Variants in RIMS1 observed in about 807,000 individuals in gnomAD.
RIMS1 encodes the protein regulating synaptic membrane exocytosis 1.
Under a neutral mutation model 214.1 loss-of-function variants are expected in RIMS1, and 83 were observed. The ratio of observed to expected loss-of-function variants is 0.39; its 90% CI spans 0.32 to 0.47. The LOEUF (loss-of-function observed/expected upper bound fraction) is 0.47, where lower values mean the gene tolerates loss of function less well. Among genes scored for constraint, RIMS1 ranks in the 20% least tolerant of loss-of-function variants. The pLI is 0.99. For synonymous variants in RIMS1, 793 were observed against 786.8 expected, an observed-to-expected ratio of 1.01 and a Z score of -0.13; for missense variants, 2,050 against 2,161.8, an observed-to-expected ratio of 0.95 and a Z score of 1.03.
At chr6:72,052,661 C>T (rs777996517) in intron 2 of RIMS1, among the ~76,000 whole-genome samples, 46 of 152,060 alleles carry the variant, frequency 3.0e-4, no homozygotes, top group Middle Eastern at 3.2e-3. Context: ...ATCTCAATTT[C>T]CTTATGTGTA....
chr6:72,042,821 G>A (rs1028941604), intron 2 of RIMS1, among the ~76,000 whole-genome samples: 1 of 151,712 alleles, frequency 6.6e-6, no homozygotes, highest in Non-Finnish European at 1.5e-5. Flanking sequence ...ACTTAAAAAT[G>A]GGTCCCCAGA....
intron 24 of RIMS1, among the ~76,000 whole-genome samples, chr6:72,286,478 A>G (rs188387995): frequency 6.6e-6 from 1 of 152,334 alleles, no homozygotes; most frequent in East Asian, 1.9e-4. Context: ...AATCATATTC[A>G]TAGTACTCTT....
chr6:72,007,069 C>A (rs1763226952), intron 2 of RIMS1, among the ~76,000 whole-genome samples: 1 of 152,168 alleles, frequency 6.6e-6, no homozygotes, highest in Admixed American at 6.5e-5. Flanking sequence ...CTGGGAGGCC[C>A]CCCCAAGTAG....
intron 10 of RIMS1, 32 bp from the exon 11 acceptor site, chr6:72,245,783 A>T: frequency 6.3e-7 from 1 of 1,579,856 alleles, no homozygotes; most frequent in South Asian, 1.1e-5. Context: ...CATTTAACTA[A>T]TGGGATTTTC....
At chr6:72,218,442 C>G (rs2154028321) in intron 6 of RIMS1, among the ~76,000 whole-genome samples, 1 of 152,266 alleles carries the variant, frequency 6.6e-6, no homozygotes, top group African/African-American at 2.4e-5. Context: ...GCTCAAAATC[C>G]AAAGGGTCAG....
At position 72,182,654 on chromosome 6, in the gene RIMS1, C is replaced by A; in HGVS notation, c.1183C>A (p.Leu395Ile). 1 of 1,477,788 alleles carries A rather than the reference C, an allele frequency of 6.8e-7. No individual in the cohort carries two copies. Among genetic ancestry groups the A allele is most frequent in the Non-Finnish European group, 9.0e-7 (1 of 1,117,136 alleles). 91.5% of individuals were successfully genotyped at this position (1,477,788 alleles called of 1,614,324 possible). A position where few individuals can be genotyped will look rare whatever the true frequency, so the allele number is the denominator to read the frequency against. ...RHERRHSDVA[L>I]PRTEAGAALP... is the part of the protein sequence containing the mutation. ...CGAGCGGCGCCACAGCGACGTGGCG[C>A]TCCCGCGCACCGAGGCGGGCGCGGC... Residue 395 changes from leucine (L) to isoleucine (I), a missense_variant, in exon 6 of 34, where the codon CTC (leucine) becomes ATC (isoleucine). Physicochemically the swap from Leu to Ile is conservative, Grantham distance 5. Around this residue, in one of 6 missense-constraint regions of RIMS1, gnomAD observed 882 missense variants for 828.9 expected, o/e 1.06. Coordinates refer to ENST00000521978, the MANE Select transcript of RIMS1 (RefSeq NM_014989.7).
intron 29 of RIMS1, among the ~76,000 whole-genome samples, chr6:72,335,310 A>C (rs1356580357): frequency 6.6e-6 from 1 of 151,960 alleles, no homozygotes; most frequent in African/African-American, 2.4e-5. Context: ...ACTCCCACCT[A>C]TAAGTGAGAA....
chr6:72,097,515 A>G (rs2032144421), intron 3 of RIMS1, among the ~76,000 whole-genome samples: 1 of 152,228 alleles, frequency 6.6e-6, no homozygotes, highest in South Asian at 2.1e-4. Flanking sequence ...AAAAAAGTTA[A>G]CTACTTTTGA....
At chr6:72,313,320 C>T (rs1338445851) in intron 27 of RIMS1, among the ~76,000 whole-genome samples, 186 bp from the exon 28 acceptor site, 1 of 152,042 alleles carries the variant, frequency 6.6e-6, no homozygotes, top group Non-Finnish European at 1.5e-5. Context: ...CATCTCTTAC[C>T]ACTCAAAGGA....
chr6:72,133,390 T>C (rs901876417), intron 4 of RIMS1, among the ~76,000 whole-genome samples: 3 of 152,180 alleles, frequency 2.0e-5, no homozygotes, highest in Non-Finnish European at 4.4e-5. Context: ...TTAGCAGATA[T>C]GCTGGGTGAC....
In RIMS1 at chr6:72,290,880, C is replaced by T. The variant is rs1303198173; in HGVS notation, c.3737+19C>T. Reference sequence around the variant, plus strand: ...TGACAAGGTCGCTATTCAGTGTCCCCCTCAGCATTCATGTCCTGCCTCCGG... The same window carrying T: ...TGACAAGGTCGCTATTCAGTGTCCCTCTCAGCATTCATGTCCTGCCTCCGG... On this transcript the variant is annotated intron_variant, in intron 25 of 33. Coordinates refer to ENST00000521978, the MANE Select transcript of RIMS1 (RefSeq NM_014989.7). 1.2e-6 allele frequency: 2 copies of T among 1,609,130 alleles called. No homozygotes were observed. Among genetic ancestry groups the T allele is most frequent in the Admixed American group, 3.3e-5 (2 of 59,892 alleles).
chr6:72,340,425 A>G (rs1435390007), intron 29 of RIMS1, among the ~76,000 whole-genome samples: 2 of 152,034 alleles, frequency 1.3e-5, no homozygotes, highest in Non-Finnish European at 2.9e-5. Flanking sequence ...TAGGTCTAAC[A>G]TTTAAGTCTT....
intron 6 of RIMS1, among the ~76,000 whole-genome samples, chr6:72,186,921 A>G (rs2049202592): frequency 6.6e-6 from 1 of 152,122 alleles, no homozygotes; most frequent in African/African-American, 2.4e-5. Context: ...TTCCGAGCTC[A>G]GGAGTTCGAG....
rs540970497 is a variant in RIMS1 at position 72,203,367 on chromosome 6, C to T, written c.1678+20218C>T. Reference sequence around the variant, plus strand: ...GTAGTGAGGAAGGAAGCTTGAATGCCGACGTTTAATATTAGAGCTGGGGTA... The same window carrying T: ...GTAGTGAGGAAGGAAGCTTGAATGCTGACGTTTAATATTAGAGCTGGGGTA... On this transcript the variant is annotated intron_variant, in intron 6 of 33. Coordinates refer to ENST00000521978, the MANE Select transcript of RIMS1 (RefSeq NM_014989.7). 5.3e-5 allele frequency among the ~76,000 whole-genome samples: 8 copies of T among 152,154 alleles called. No homozygotes were observed. In the East Asian group the frequency reaches 1.4e-3, roughly 26 times the overall value.
intron 10 of RIMS1, among the ~76,000 whole-genome samples, chr6:72,244,084 T>C (rs1013974825): frequency 7.3e-5 from 11 of 151,356 alleles, no homozygotes; most frequent in African/African-American, 2.7e-4. Flanking sequence ...AAAAAGAAAA[T>C]ATTTATTCAT....
chr6:72,137,983 G>A (rs2041572276), intron 4 of RIMS1, among the ~76,000 whole-genome samples: 1 of 151,956 alleles, frequency 6.6e-6, no homozygotes, highest in Admixed American at 6.6e-5. Flanking sequence ...TGATCCACCC[G>A]CCTTGGCCTC....
intron 2 of RIMS1, among the ~76,000 whole-genome samples, chr6:72,087,930 C>G (rs536644271): frequency 2.0e-5 from 3 of 152,268 alleles, no homozygotes; most frequent in South Asian, 2.1e-4. Context: ...GTAAGCTGAA[C>G]CAATTGAGAT....
chr6:72,230,124 A>AT (rs1008798632), intron 6 of RIMS1, among the ~76,000 whole-genome samples: 5 of 151,908 alleles, frequency 3.3e-5, no homozygotes, highest in East Asian at 1.9e-4. Flanking sequence ...TGAAGTTTAC[A>AT]TTTTTTTGAA....
intron 12 of RIMS1, among the ~76,000 whole-genome samples, chr6:72,249,445 C>T (rs2071981219): frequency 6.6e-6 from 1 of 152,006 alleles, no homozygotes; most frequent in Non-Finnish European, 1.5e-5. Flanking sequence ...GTATTGTATC[C>T]TTAGTTTTTT....
Sources: allele counts gnomAD v4.1 joint callset (sites outside exome capture counted in the v4.1 genomes callset), GRCh38; gene constraint gnomAD v4.1.1; regional missense constraint gnomAD v4.1.1; transcripts MANE v1.5; gene names NCBI Gene and HGNC (gene_info 2026-07-23, HGNC 2026-07-21).